Variants in SLC2A12 observed in about 807,000 individuals in gnomAD.
SLC2A12 encodes solute carrier family 2 member 12.
Under a neutral mutation model 41.8 loss-of-function variants are expected in SLC2A12, and 23 were observed. The observed-to-expected ratio is 0.55, with a 90% CI of 0.40 to 0.78. The LOEUF (loss-of-function observed/expected upper bound fraction) is 0.78, where lower values mean the gene tolerates loss of function less well. Among genes scored for constraint, SLC2A12 ranks in the 30% least tolerant of loss-of-function variants. SLC2A12 has a pLI of 0.00. For synonymous variants in SLC2A12, 295 were observed against 285.9 expected (o/e 1.03, Z -0.32); for missense variants, 654 against 745.6 (o/e 0.88, Z 1.43).
At chr6:134,008,296 T>G (rs919508042) in intron 2 of SLC2A12, among the ~76,000 whole-genome samples, 1 of 152,184 alleles carries the variant, frequency 6.6e-6, no homozygotes, top group Non-Finnish European at 1.5e-5. Context: ...GGCTGTAAAT[T>G]TGCTGCTTTA....
chr6:134,029,758 C>A, intron 1 of SLC2A12, 37 bp from the exon 2 acceptor site: 1 of 1,545,224 alleles, frequency 6.5e-7, no homozygotes, highest in Non-Finnish European at 8.7e-7. Flanking sequence ...GGTCAGTTCT[C>A]AGTTGAGATT....
rs1285649855 is a variant in SLC2A12 at position 134,002,056 on chromosome 6, C to T, written c.1641G>A (p.Met547Ile). ...AGCATCCCTTTGTCTCAGGTATAAA[C>T]ATAACAACAAAAAGCAGGGATGCTA... is the stretch of plus-strand genomic sequence containing the variant. ...MSLASLLFVV[M>I]FIPETKGCSL... The change falls in exon 4 of 5, where the codon ATG becomes ATA. Residue 547 changes from methionine to isoleucine, a missense_variant. Physicochemically the swap from Met to Ile is conservative, Grantham distance 10. This residue lies in a region of SLC2A12 where 134 missense variants were observed against 180.5 expected (regional missense o/e 0.74). Coordinates refer to ENST00000275230, the MANE Select transcript of SLC2A12 (RefSeq NM_145176.3). 1 of 1,603,376 alleles carries T rather than the reference C, an allele frequency of 6.2e-7. No individual in the cohort carries two copies. Among genetic ancestry groups the T allele is most frequent in the African/African-American group, 1.4e-5 (1 of 73,994 alleles).
chr6:134,002,098 T>C lies in SLC2A12; in HGVS notation c.1599A>G (p.Ile533Met). ...DLIGLPWVCFIYTIMSLASLL... is the reference protein window; with the variant it reads ...DLIGLPWVCFMYTIMSLASLL... ...GGGATGCTAGACTCATGATTGTATA[T>C]ATAAAGCACACCCATGGCAGGCCAA... Residue 533 changes from isoleucine (I) to methionine (M), a missense_variant, in exon 4 of 5, where the codon ATA becomes ATG. Physicochemically the swap from Ile to Met is conservative, Grantham distance 10. Around this residue, in one of 3 missense-constraint regions of SLC2A12, gnomAD observed 134 missense variants for 180.5 expected, o/e 0.74. Coordinates refer to ENST00000275230, the MANE Select transcript of SLC2A12 (RefSeq NM_145176.3). 1 of 1,600,060 alleles carries C rather than the reference T, an allele frequency of 6.2e-7. No individual in the cohort carries two copies. Among genetic ancestry groups the C allele is most frequent in the East Asian group, 2.3e-5 (1 of 44,370 alleles).
intron 2 of SLC2A12, among the ~76,000 whole-genome samples, chr6:134,023,779 A>G (rs1294526909): frequency 3.9e-5 from 6 of 152,214 alleles, no homozygotes; most frequent in African/African-American, 1.4e-4. Flanking sequence ...TTTAAAGTTT[A>G]TCACAGCAAT....
At chr6:134,024,075 A>G (rs1239035345) in intron 2 of SLC2A12, among the ~76,000 whole-genome samples, 1 of 152,226 alleles carries the variant, frequency 6.6e-6, no homozygotes, top group Admixed American at 6.5e-5. Flanking sequence ...GCTGCCGATC[A>G]CTGGTTCCCC....
chr6:133,994,523 C>T (rs560481807), intron 4 of SLC2A12, among the ~76,000 whole-genome samples: 6 of 152,050 alleles, frequency 3.9e-5, no homozygotes, highest in Admixed American at 6.5e-5. Context: ...GTCAGGAGAT[C>T]GAGACCATCC....
chr6:134,002,670 A>G (rs546311112), intron 3 of SLC2A12, among the ~76,000 whole-genome samples: 1 of 152,098 alleles, frequency 6.6e-6, no homozygotes, highest in Non-Finnish European at 1.5e-5. Flanking sequence ...CTTTGCTCTG[A>G]TGTGAATAAA....
intron 2 of SLC2A12, chr6:134,009,352 C>T (rs1440219078): frequency 2.0e-5 from 3 of 152,228 alleles, no homozygotes; most frequent in Non-Finnish European, 4.4e-5. Flanking sequence ...GCAAGCCCTA[C>T]ACCTGATGCT....
intron 4 of SLC2A12, among the ~76,000 whole-genome samples, chr6:133,998,842 C>A (rs926458992): frequency 1.3e-5 from 2 of 152,118 alleles, no homozygotes; most frequent in African/African-American, 4.8e-5. Flanking sequence ...CACCCAGCCA[C>A]AAAATGTTTA....
At chr6:133,991,767 G>C (rs1227475951) in intron 4 of SLC2A12, among the ~76,000 whole-genome samples, 1 of 152,134 alleles carries the variant, frequency 6.6e-6, no homozygotes, top group Non-Finnish European at 1.5e-5. Context: ...TAAAAATGAA[G>C]AGCTGCCTTT....
At chr6:134,001,724 C>A (rs1776755900) in intron 4 of SLC2A12, among the ~76,000 whole-genome samples, 1 of 149,654 alleles carries the variant, frequency 6.7e-6, no homozygotes, top group South Asian at 2.1e-4. Flanking sequence ...AAAATTTGCA[C>A]TTGCCAATCA....
At chr6:134,011,723 C>A (rs988050031) in intron 2 of SLC2A12, among the ~76,000 whole-genome samples, 7 of 151,836 alleles carry the variant, frequency 4.6e-5, no homozygotes, top group Non-Finnish European at 1.0e-4. Context: ...CAGAGTGAGA[C>A]CCTGTCTCAA....
At chr6:134,008,393 A>G (rs1390904551) in intron 2 of SLC2A12, among the ~76,000 whole-genome samples, 1 of 152,238 alleles carries the variant, frequency 6.6e-6, no homozygotes, top group Non-Finnish European at 1.5e-5. Flanking sequence ...ATACAGGGTT[A>G]CCTTTCATGC....
intron 2 of SLC2A12, among the ~76,000 whole-genome samples, chr6:134,014,041 C>T (rs183802956): frequency 1.4e-3 from 217 of 152,252 alleles, no homozygotes; most frequent in Middle Eastern, 3.4e-3. Flanking sequence ...GGAAGGAGTG[C>T]GCTTCAGAAA....
At position 134,035,170 on chromosome 6, in the gene SLC2A12, A is replaced by AAAC. The variant is rs1182245969; in HGVS notation, c.104-5450_104-5449insGTT. 4.2e-4 allele frequency among the ~76,000 whole-genome samples: 58 copies of AAAC among 137,788 alleles called. 1 individual carries two copies. The highest frequency in any genetic ancestry group is 4.7e-5 in the Non-Finnish European group (3 of 63,560). 90.4% of individuals were successfully genotyped at this position (137,788 alleles called of 152,430 possible). Reference sequence around the variant, plus strand: ...GCCTGACAAAAAAAAAAAAAAAAAAAAAAACTGTGTGTGCATGCTTTTCAG... The same window carrying AAAC: ...GCCTGACAAAAAAAAAAAAAAAAAAAAACAAAACTGTGTGTGCATGCTTTTCAG... On this transcript the variant is annotated intron_variant, in intron 1 of 4. Transcript: ENST00000275230.
chr6:134,038,700 CTTTTTTTTTTTT>C (rs200794350), intron 1 of SLC2A12, among the ~76,000 whole-genome samples: 3,229 of 82,152 alleles, frequency 0.039, 105 homozygotes, highest in East Asian at 0.17. Context: ...CCTTTCTTTC[CTTTTTTTTTTTT>C]TTTTTTTTTT....
chr6:134,030,864 C>T (rs1266203923), intron 1 of SLC2A12, among the ~76,000 whole-genome samples: 1 of 152,176 alleles, frequency 6.6e-6, no homozygotes. Context: ...GGAGCCAACA[C>T]CCACTGAGAG....
chr6:134,024,502 C>T (rs1455932490), intron 2 of SLC2A12, among the ~76,000 whole-genome samples: 1 of 152,184 alleles, frequency 6.6e-6, no homozygotes, highest in African/African-American at 2.4e-5. Flanking sequence ...ATACCAAATC[C>T]CTATAGGAAA....
At chr6:134,003,885 G>A (rs769605555) in intron 3 of SLC2A12, among the ~76,000 whole-genome samples, 48 of 152,202 alleles carry the variant, frequency 3.2e-4, no homozygotes, top group Admixed American at 2.9e-3. Flanking sequence ...CATAAAAAAT[G>A]TTGGTGTTTA....
Sources: allele counts gnomAD v4.1 joint callset (sites outside exome capture counted in the v4.1 genomes callset), GRCh38; gene constraint gnomAD v4.1.1; regional missense constraint gnomAD v4.1.1; transcripts MANE v1.5; gene names NCBI Gene and HGNC (gene_info 2026-07-23, HGNC 2026-07-21).